The following TMEM184C variants were observed in gnomAD, a reference collection of about 807,000 sequenced individuals.
TMEM184C encodes the protein transmembrane protein 34.
Under a neutral mutation model 54.5 loss-of-function variants are expected in TMEM184C, and 25 were observed. The observed-to-expected ratio is 0.46, with a 90% CI of 0.33 to 0.64. The LOEUF is 0.64. TMEM184C is among the 30% of genes least tolerant of loss of function. TMEM184C has a pLI of 0.02. For missense variants in TMEM184C, 335 were observed against 520.3 expected (o/e 0.64, Z 3.46); for synonymous variants, 148 against 181.5 (o/e 0.82, Z 1.49).
At chr4:147,621,340 G>C (rs1732704658) in intron 1 of TMEM184C, among the ~76,000 whole-genome samples, 1 of 151,876 alleles carries the variant, frequency 6.6e-6, no homozygotes, top group Non-Finnish European at 1.5e-5. Flanking sequence ...TGTCTTTAAG[G>C]GTTTTTTCTT....
chr4:147,633,895 C>T lies in TMEM184C; in HGVS notation c.1010C>T (p.Ser337Leu). 6.2e-7 allele frequency: 1 copy of T among 1,613,832 alleles called. No homozygotes were observed. The highest frequency in any genetic ancestry group is 8.5e-7 in the Non-Finnish European group (1 of 1,179,970). ...FDSFLAMWDV[S>L]DIRDDISEQV... The stretch of plus-strand genomic sequence containing the variant: ...TCCTTTCTTGCCATGTGGGATGTCT[C>T]AGATATTAGAGATGATATTTCTGAA... The change falls in exon 9 of 10, where the codon TCA (serine) becomes TTA (leucine). Residue 337 changes from serine to leucine, a missense_variant. Ser to Leu is a moderately radical substitution (Grantham distance 145). Coordinates refer to ENST00000296582, the MANE Select transcript of TMEM184C (RefSeq NM_018241.3).
chr4:147,623,697 C>T (rs957146847), intron 1 of TMEM184C, 137 bp from the exon 2 acceptor site: 2 of 672,748 alleles, frequency 3.0e-6, no homozygotes, highest in Non-Finnish European at 4.7e-6. Flanking sequence ...AGGCTGGTTT[C>T]AAACTCCTGG....
At chr4:147,620,282 C>G (rs1250724758) in intron 1 of TMEM184C, among the ~76,000 whole-genome samples, 1 of 152,154 alleles carries the variant, frequency 6.6e-6, no homozygotes, top group Non-Finnish European at 1.5e-5. Flanking sequence ...CTTTCCCCCT[C>G]TTTCTGCCCA....
chr4:147,630,463 T>A (rs566789181), intron 6 of TMEM184C, among the ~76,000 whole-genome samples: 2 of 152,160 alleles, frequency 1.3e-5, no homozygotes, highest in Non-Finnish European at 1.5e-5. Context: ...CTAAAGTATC[T>A]TTGTATATAA....
chr4:147,622,811 G>T (rs936921073), intron 1 of TMEM184C, among the ~76,000 whole-genome samples: 2 of 152,138 alleles, frequency 1.3e-5, no homozygotes, highest in Admixed American at 1.3e-4. Context: ...GCCCAGGGTG[G>T]AGTACGGTGG....
chr4:147,619,254 G>A (rs942965162), intron 1 of TMEM184C, among the ~76,000 whole-genome samples: 5 of 151,306 alleles, frequency 3.3e-5, no homozygotes, highest in Admixed American at 6.6e-5. Context: ...CTGGAGTGCA[G>A]TGGCGCGATC....
chr4:147,633,353 T>C (rs1335463680), intron 8 of TMEM184C, among the ~76,000 whole-genome samples: 1 of 151,086 alleles, frequency 6.6e-6, no homozygotes, highest in Non-Finnish European at 1.5e-5. Flanking sequence ...TCCTAGCACT[T>C]TGTAAGGCCA....
chr4:147,628,554 A>T lies in TMEM184C; in HGVS notation c.572+119A>T, dbSNP rs1270906648. On this transcript the variant is annotated intron_variant, in intron 5 of 9. Transcript: ENST00000296582. ...TTATAATGCAGGTCTAGTCTGTTGTAAAAAAAAACACTGTATAGAAACTCA... is the reference window on the plus strand; with the variant it reads ...TTATAATGCAGGTCTAGTCTGTTGTTAAAAAAAACACTGTATAGAAACTCA... The T allele has an allele frequency of 1.1e-5, 8 of 739,444 alleles. No individual in the cohort carries two copies. The South Asian group carries it at 1.5e-4, about 14-fold the overall frequency. 45.8% of individuals were successfully genotyped at this position (739,444 alleles called of 1,614,324 possible).
intron 1 of TMEM184C, among the ~76,000 whole-genome samples, chr4:147,622,160 C>T (rs1237383077): frequency 6.6e-6 from 1 of 151,936 alleles, no homozygotes; most frequent in African/African-American, 2.4e-5. Flanking sequence ...CCACACTGGT[C>T]TCACACTATT....
Position 147,624,939 on chromosome 4 carries a change from A to T in TMEM184C, c.427A>T (p.Ile143Phe). 1.2e-6 allele frequency: 2 copies of T among 1,613,960 alleles called. No individual in the cohort carries two copies. Among genetic ancestry groups the T allele is most frequent in the Non-Finnish European group, 1.7e-6 (2 of 1,179,894 alleles). The change falls in exon 4 of 10, where the codon ATC becomes TTC. Residue 143 changes from isoleucine (I) to phenylalanine (F), a missense_variant. Physicochemically the swap from Ile to Phe is conservative, Grantham distance 21 (BLOSUM62 0). Transcript: ENST00000296582. ...LTNRYPNLVLILEAKDQQKHF... is the reference protein window; with the variant it reads ...LTNRYPNLVLFLEAKDQQKHF... ...TAACCGGTATCCAAATCTGGTATTA[A>T]TCCTTGAAGCCAAAGATCAACAGAA... is the stretch of plus-strand genomic sequence containing the variant.
intron 8 of TMEM184C, among the ~76,000 whole-genome samples, chr4:147,633,477 C>CCTAT (rs1336665487): frequency 3.3e-5 from 5 of 151,666 alleles, no homozygotes; most frequent in Non-Finnish European, 7.4e-5. Flanking sequence ...ACAGCACATG[C>CCTAT]CTATACTCCT....
chr4:147,628,524 C>A, intron 5 of TMEM184C, 89 bp downstream of exon 5: 3 of 1,054,550 alleles, frequency 2.8e-6, no homozygotes, highest in Non-Finnish European at 4.3e-6. Flanking sequence ...TGTTAATGTG[C>A]TTATTTATAA....
rs372863224 is a variant in TMEM184C at position 147,631,375 on chromosome 4, T to C, written c.667-18T>C. The C allele has an allele frequency of 7.5e-5, 113 of 1,506,270 alleles. No homozygotes were observed. In the South Asian group the frequency reaches 1.2e-3, roughly 15 times the overall value. 93.3% of individuals were successfully genotyped at this position (1,506,270 alleles called of 1,614,324 possible). A position where few individuals can be genotyped will look rare whatever the true frequency, so the allele number is the denominator to read the frequency against. On this transcript the variant is annotated intron_variant, in intron 6 of 9. Transcript: ENST00000296582. ...ATATCTATTACTGAACAAGTTTAAATGTTAATCTTGTTTCTAGTTTGCCAT... is the reference window on the plus strand; with the variant it reads ...ATATCTATTACTGAACAAGTTTAAACGTTAATCTTGTTTCTAGTTTGCCAT...
Position 147,634,383 on chromosome 4 carries a change from T to G in TMEM184C, c.1266T>G (p.Ser422Arg). 1 of 1,614,102 alleles carries G rather than the reference T, an allele frequency of 6.2e-7. No individual in the cohort carries two copies. The highest frequency in any genetic ancestry group is 8.5e-7 in the Non-Finnish European group (1 of 1,179,982). Residue 422 changes from serine to arginine, a missense_variant, in exon 10 of 10, where the codon AGT becomes AGG. Physicochemically the swap from Ser to Arg is moderately radical, Grantham distance 110 (BLOSUM62 -1). Coordinates refer to ENST00000296582, the MANE Select transcript of TMEM184C (RefSeq NM_018241.3). Reference protein sequence around the residue: ...TTAKISDEILSDTIGEKKEPS... With the variant: ...TTAKISDEILRDTIGEKKEPS... ...CTAAGATATCTGATGAAATCCTTAG[T>G]GATACTATAGGAGAGAAAAAAGAAC...
intron 1 of TMEM184C, among the ~76,000 whole-genome samples, chr4:147,621,460 A>C (rs1037486647): frequency 6.6e-6 from 1 of 152,232 alleles, no homozygotes; most frequent in Non-Finnish European, 1.5e-5. Context: ...GAATAATATT[A>C]CTGGTATCTA....
At chr4:147,632,759 G>C (rs1005084710) in intron 7 of TMEM184C, 144 bp from the exon 8 acceptor site, 2 of 555,964 alleles carry the variant, frequency 3.6e-6, no homozygotes, top group East Asian at 2.9e-5. Flanking sequence ...ATTTAACATA[G>C]AGTTTCTTCA....
At position 147,634,257 on chromosome 4, in the gene TMEM184C, A is replaced by G; in HGVS notation, c.1140A>G (p.Ser380=). Residue 380 remains serine (S), a synonymous_variant, in exon 10 of 10, where the codon TCA becomes TCG. Coordinates refer to ENST00000296582, the MANE Select transcript of TMEM184C (RefSeq NM_018241.3). ...NEHTSLLSSS[S]QDAISIASSM... ...ATACAAGTTTATTATCATCATCATC[A>G]CAAGATGCAATTTCCATTGCTTCTT... 1 of 1,614,216 alleles carries G rather than the reference A, an allele frequency of 6.2e-7. No homozygotes were observed. Among genetic ancestry groups the G allele is most frequent in the Non-Finnish European group, 8.5e-7 (1 of 1,180,030 alleles).
At chr4:147,632,077 G>A (rs1474274102) in intron 7 of TMEM184C, among the ~76,000 whole-genome samples, 2 of 150,984 alleles carry the variant, frequency 1.3e-5, no homozygotes, top group African/African-American at 4.9e-5. Flanking sequence ...GGCAGGGAAG[G>A]CAGGAGAATT....
chr4:147,632,108 G>C (rs1268333575), intron 7 of TMEM184C, among the ~76,000 whole-genome samples: 1 of 151,472 alleles, frequency 6.6e-6, no homozygotes, highest in Non-Finnish European at 1.5e-5. Context: ...AGAAGGCAGA[G>C]GTTGCGGTGA....
Sources: gnomAD v4.1 joint callset for allele counts (sites outside exome capture counted in the v4.1 genomes callset) on GRCh38, gnomAD v4.1.1 for gene constraint, MANE v1.5 for transcripts, NCBI Gene and HGNC (gene_info 2026-07-23, HGNC 2026-07-21) for gene names.